GLIS3: variants seen among roughly 807,000 people sequenced by gnomAD.
GLIS3 encodes GLIS family zinc finger 3, also known as zinc finger protein GLIS3.
GLIS3 carries 53 observed loss-of-function variants against 78.6 expected under a neutral mutation model. The ratio of observed to expected loss-of-function variants is 0.67; its 90% CI spans 0.54 to 0.85. The LOEUF (loss-of-function observed/expected upper bound fraction) is 0.85. Ranked by LOEUF, GLIS3 falls within the 40% of genes least tolerant of loss-of-function variation. GLIS3 has a pLI of 0.00. For missense variants in GLIS3, 1,703 were observed against 1,231.1 expected (o/e 1.38, Z -5.74); for synonymous variants, 684 against 509.9 (o/e 1.34, Z -4.60).
chr9:4,013,221 C>A (rs973993467), intron 4 of GLIS3, among the ~76,000 whole-genome samples: 5 of 152,092 alleles, frequency 3.3e-5, no homozygotes, highest in Non-Finnish European at 7.4e-5. Context: ...CATCCACTTC[C>A]CAGAGGAAGA....
At chr9:4,462,338 G>C in the GLIS3 span, among the ~76,000 whole-genome samples, 1 of 152,186 alleles carries the variant, frequency 6.6e-6, no homozygotes, top group Non-Finnish European at 1.5e-5. Flanking sequence ...CCAAGCTCAA[G>C]ATTGGTGAAA....
intron 4 of GLIS3, among the ~76,000 whole-genome samples, chr9:4,059,367 C>T (rs906446245): frequency 6.6e-6 from 1 of 152,206 alleles, no homozygotes; most frequent in African/African-American, 2.4e-5. Context: ...GAGATCTCTG[C>T]ACTGCTGCTC....
At chr9:4,029,760 TC>T in intron 4 of GLIS3, among the ~76,000 whole-genome samples, 1 of 152,336 alleles carries the variant, frequency 6.6e-6, no homozygotes, top group East Asian at 1.9e-4. Flanking sequence ...TCCAGTTCCA[TC>T]TATGTTGATG....
intron 4 of GLIS3, among the ~76,000 whole-genome samples, chr9:4,104,463 C>T (rs1031093296): frequency 1.6e-4 from 25 of 152,160 alleles, no homozygotes; most frequent in Non-Finnish European, 3.1e-4. Context: ...CGGCAGTGCC[C>T]TCAATTCTAA....
chr9:4,464,142 T>A, the GLIS3 span, among the ~76,000 whole-genome samples: 7 of 152,144 alleles, frequency 4.6e-5, no homozygotes, highest in African/African-American at 1.2e-4. Context: ...AGGTTTTTTT[T>A]ATTATATTAA....
chr9:3,984,826 G>T (rs569129832), intron 4 of GLIS3, among the ~76,000 whole-genome samples: 1 of 152,098 alleles, frequency 6.6e-6, no homozygotes, highest in Admixed American at 6.6e-5. Context: ...TTGTGGGGGC[G>T]TGTCTTCCCT....
At chr9:4,328,074 C>A (rs551886869) in intron 2 of GLIS3, among the ~76,000 whole-genome samples, 1 of 152,184 alleles carries the variant, frequency 6.6e-6, no homozygotes, top group Non-Finnish European at 1.5e-5. Context: ...GCTGGCAGAG[C>A]CCAGCACATA....
chr9:3,861,113 C>T (rs770394564), intron 8 of GLIS3, among the ~76,000 whole-genome samples: 7 of 152,112 alleles, frequency 4.6e-5, no homozygotes, highest in Non-Finnish European at 1.0e-4. Flanking sequence ...ATGGAATGAT[C>T]GATTGAATGT....
chr9:4,262,761 T>A (rs969810272), intron 2 of GLIS3, among the ~76,000 whole-genome samples: 1 of 152,098 alleles, frequency 6.6e-6, no homozygotes, highest in Non-Finnish European at 1.5e-5. Flanking sequence ...CTGCTTCACA[T>A]TGATTTTTAT....
chr9:3,906,531 T>G (rs1823715370), intron 6 of GLIS3, among the ~76,000 whole-genome samples: 1 of 151,950 alleles, frequency 6.6e-6, no homozygotes, highest in South Asian at 2.1e-4. Context: ...AAATCAGCAA[T>G]TTGGTTTTGA....
At chr9:4,347,964 G>C (rs1270613207) in intron 1 of GLIS3, among the ~76,000 whole-genome samples, 2 of 152,090 alleles carry the variant, frequency 1.3e-5, no homozygotes, top group Non-Finnish European at 2.9e-5. Context: ...TTGCCCAGGA[G>C]TACCCTCATT....
rs77184951 is a variant in GLIS3, at chr9:4,019,594, T to C, written c.1711-82405A>G. 5.1e-3 allele frequency among the ~76,000 whole-genome samples: 783 copies of C among 152,146 alleles called. 7 individuals carry two copies. The highest frequency in any genetic ancestry group is 0.017 in the African/African-American group (724 of 41,488). On this transcript the variant is annotated intron_variant, in intron 4 of 10. Coordinates refer to ENST00000381971, the MANE Select transcript of GLIS3 (RefSeq NM_001042413.2). ...GGAAATCAACAACAGGCAGGAGACATAGTAAATAAGTAAAGCCTATAGCAT... is the reference window on the plus strand; with the variant it reads ...GGAAATCAACAACAGGCAGGAGACACAGTAAATAAGTAAAGCCTATAGCAT...
intron 2 of GLIS3, among the ~76,000 whole-genome samples, chr9:4,242,110 G>A (rs1275062558): frequency 6.6e-6 from 1 of 152,172 alleles, no homozygotes; most frequent in African/African-American, 2.4e-5. Flanking sequence ...GTGCAGGGGT[G>A]CCCCAGGAGT....
rs547194981 is a variant in GLIS3, at chr9:4,026,333, A to G, written c.1711-89144T>C. 2.6e-5 allele frequency among the ~76,000 whole-genome samples: 4 copies of G among 152,310 alleles called. No individual in the cohort carries two copies. The South Asian group carries it at 8.3e-4, about 32-fold the overall frequency. On this transcript the variant is annotated intron_variant, in intron 4 of 10. Transcript: ENST00000381971. ...CATTAATTTTTTCCTAGCAAACACA[A>G]ATTATTTTTATCATTGTACTATCTG... is the stretch of plus-strand genomic sequence containing the variant.
the GLIS3 span, among the ~76,000 whole-genome samples, chr9:4,469,103 G>A: frequency 1.3e-5 from 2 of 152,148 alleles, no homozygotes; most frequent in African/African-American, 4.8e-5. Flanking sequence ...AAATATATAT[G>A]CACCCAATAT....
intron 9 of GLIS3, among the ~76,000 whole-genome samples, chr9:3,840,213 G>A (rs375186568): frequency 6.6e-6 from 1 of 152,158 alleles, no homozygotes; most frequent in South Asian, 2.1e-4. Flanking sequence ...AATATGTAGA[G>A]GTTCTGTGTA....
At chr9:3,926,241 T>C (rs537018797) in intron 6 of GLIS3, among the ~76,000 whole-genome samples, 4 of 149,838 alleles carry the variant, frequency 2.7e-5, no homozygotes, top group African/African-American at 9.8e-5. Context: ...TTGTTTTTTT[T>C]TTTTTCTTTG....
At chr9:4,075,099 C>CACA in intron 4 of GLIS3, among the ~76,000 whole-genome samples, 1 of 42,968 alleles carries the variant, frequency 2.3e-5, no homozygotes, top group South Asian at 5.2e-4. Context: ...TGAACAACAA[C>CACA]ACAACAACAA....
chr9:3,883,274 G>A (rs527613656), intron 7 of GLIS3, among the ~76,000 whole-genome samples: 2 of 152,276 alleles, frequency 1.3e-5, no homozygotes, highest in African/African-American at 4.8e-5. Context: ...TACAGTCTAG[G>A]AATATTCTTT....
Sources: allele counts gnomAD v4.1 joint callset (sites outside exome capture counted in the v4.1 genomes callset), GRCh38; gene constraint gnomAD v4.1.1; transcripts MANE v1.5; gene names NCBI Gene and HGNC (gene_info 2026-07-23, HGNC 2026-07-21).